GPR89A: variants seen among roughly 807,000 people sequenced by gnomAD.
GPR89A encodes G protein-coupled receptor 89A.
In GPR89A, 16 loss-of-function variants were observed where a neutral mutation model predicts 52.0. The ratio of observed to expected loss-of-function variants is 0.31; its 90% CI spans 0.21 to 0.47. GPR89A has a LOEUF of 0.47. GPR89A is among the 20% of genes least tolerant of loss of function. The pLI is 1.00. For missense variants in GPR89A, 135 were observed against 449.4 expected (o/e 0.30, Z 6.33); for synonymous variants, 55 against 150.9 (o/e 0.36, Z 4.66).
At chr1:145,621,325 AT>A (rs1649124126) in intron 3 of GPR89A, among the ~76,000 whole-genome samples, 1 of 149,670 alleles carries the variant, frequency 6.7e-6, no homozygotes, top group South Asian at 2.1e-4. Context: ...ATTAATTTTT[AT>A]TTTCTTACAG....
intron 7 of GPR89A, among the ~76,000 whole-genome samples, chr1:145,632,565 A>G (rs1649953084): frequency 6.6e-6 from 1 of 152,232 alleles, no homozygotes; most frequent in African/African-American, 2.4e-5. Context: ...AAGTTGTCAC[A>G]AATGAAAGAA....
intron 7 of GPR89A, among the ~76,000 whole-genome samples, chr1:145,635,243 A>G (rs1202040721): frequency 6.6e-6 from 1 of 152,118 alleles, no homozygotes; most frequent in Non-Finnish European, 1.5e-5. Flanking sequence ...CATCTCTACT[A>G]AAGATACAAA....
intron 5 of GPR89A, among the ~76,000 whole-genome samples, chr1:145,625,006 C>G (rs1331241155): frequency 2.6e-5 from 4 of 151,264 alleles, no homozygotes; most frequent in Admixed American, 2.6e-4. Context: ...GAGCCAGTGT[C>G]TATTATAGAA....
chr1:145,613,998 G>A (rs1376718335), intron 1 of GPR89A, among the ~76,000 whole-genome samples: 2 of 152,092 alleles, frequency 1.3e-5, no homozygotes, highest in African/African-American at 4.8e-5. Context: ...CGTTGCCCAA[G>A]CTGGTCTCGA....
chr1:145,655,646 G>GA (rs1651760315), intron 10 of GPR89A, among the ~76,000 whole-genome samples: 1 of 152,336 alleles, frequency 6.6e-6, no homozygotes, highest in African/African-American at 2.4e-5. Flanking sequence ...GGAGGCTGCA[G>GA]AACAGCAAAG....
chr1:145,635,853 G>T (rs1181877346), intron 7 of GPR89A, among the ~76,000 whole-genome samples: 6 of 152,186 alleles, frequency 3.9e-5, no homozygotes, highest in African/African-American at 1.4e-4. Context: ...CAGCTACTTG[G>T]GAGGCTGAGG....
At chr1:145,664,277 A>G (rs1354402471) in intron 11 of GPR89A, among the ~76,000 whole-genome samples, 5 of 152,336 alleles carry the variant, frequency 3.3e-5, no homozygotes, top group Admixed American at 2.6e-4. Context: ...ATGTTTCTTG[A>G]TGCTAGATCA....
At chr1:145,619,263 A>T (rs1265915054) in intron 3 of GPR89A, among the ~76,000 whole-genome samples, 1 of 151,156 alleles carries the variant, frequency 6.6e-6, no homozygotes, top group Non-Finnish European at 1.5e-5. Flanking sequence ...AAAAAGAAAA[A>T]CTTACTATAC....
rs200411888 is a variant in GPR89A, at chr1:145,616,670, T to A, written c.102+377T>A. Among the ~76,000 whole-genome samples, 149 of 152,270 alleles carry A rather than the reference T, an allele frequency of 9.8e-4. 2 individuals are homozygous for A. In the East Asian group the frequency reaches 0.026, roughly 27 times the overall value. On this transcript the variant is annotated intron_variant, in intron 2 of 13. Transcript: ENST00000313835. ...AGTTAATACCAAAATCCCAAGGCTA[T>A]CAGGGGAACCAGTCCCCAATATTTC...
At chr1:145,620,928 C>T (rs1332790192) in intron 3 of GPR89A, among the ~76,000 whole-genome samples, 2 of 152,190 alleles carry the variant, frequency 1.3e-5, no homozygotes, top group African/African-American at 4.8e-5. Context: ...ATTTCAAACC[C>T]ACTGCTTCCC....
intron 1 of GPR89A, among the ~76,000 whole-genome samples, chr1:145,613,904 A>G (rs1448550342): frequency 2.0e-5 from 3 of 151,998 alleles, no homozygotes; most frequent in African/African-American, 7.3e-5. Flanking sequence ...CTTCCACTTC[A>G]GCCTCCCCAT....
intron 9 of GPR89A, 66 bp downstream of exon 9, chr1:145,646,338 G>T (rs1376394591): frequency 7.5e-7 from 1 of 1,341,350 alleles, no homozygotes; most frequent in Non-Finnish European, 1.0e-6. Flanking sequence ...AAGACTAAAT[G>T]GCTTTTTAGA....
chr1:145,625,071 T>C (rs1649398355), intron 5 of GPR89A, among the ~76,000 whole-genome samples: 1 of 149,962 alleles, frequency 6.7e-6, no homozygotes, highest in South Asian at 2.1e-4. Context: ...ATAGCAGGAA[T>C]TTCGGGAGAG....
chr1:145,666,424 A>T (rs1324291138), intron 12 of GPR89A, among the ~76,000 whole-genome samples: 1 of 152,142 alleles, frequency 6.6e-6, no homozygotes, highest in Non-Finnish European at 1.5e-5. Flanking sequence ...CCTCAAAAAA[A>T]TGTTTCGTTC....
rs1348302392 is a variant in GPR89A, at chr1:145,629,794, C to T, written c.416-893C>T. The stretch of plus-strand genomic sequence containing the variant: ...CCAGAGGTTGCACTGACCTCTAAAA[C>T]GAGTGTAGTGGAAATAGAAAGACTA... On this transcript the variant is annotated intron_variant, in intron 5 of 13. Coordinates refer to ENST00000313835, the MANE Select transcript of GPR89A (RefSeq NM_001097612.2). Among the ~76,000 whole-genome samples the T allele has an allele frequency of 5.9e-5, 9 of 151,606 alleles. No homozygotes were observed. In the South Asian group the frequency reaches 1.5e-3, roughly 25 times the overall value.
intron 10 of GPR89A, among the ~76,000 whole-genome samples, chr1:145,653,953 G>A (rs61813317): frequency 0.3 from 45,504 of 150,650 alleles, 8,941 homozygotes; most frequent in Non-Finnish European, 0.43. Flanking sequence ...GGGGCATTTA[G>A]CCCATTTACA....
At chr1:145,627,336 A>G (rs1234792721) in intron 5 of GPR89A, among the ~76,000 whole-genome samples, 4 of 152,158 alleles carry the variant, frequency 2.6e-5, no homozygotes, top group African/African-American at 9.7e-5. Flanking sequence ...AGTTTTTCAA[A>G]TTTAATAGCC....
intron 7 of GPR89A, among the ~76,000 whole-genome samples, chr1:145,642,903 A>G (rs1270558021): frequency 1.3e-5 from 2 of 151,916 alleles, no homozygotes; most frequent in African/African-American, 4.8e-5. Context: ...AGCAGCTACC[A>G]CTGTACTAGT....
intron 11 of GPR89A, among the ~76,000 whole-genome samples, chr1:145,665,164 T>C (rs1261780898): frequency 6.6e-6 from 1 of 152,106 alleles, no homozygotes; most frequent in Non-Finnish European, 1.5e-5. Flanking sequence ...TTTTTTCTGA[T>C]TTATTAGCGT....
Sources: allele counts gnomAD v4.1 joint callset (sites outside exome capture counted in the v4.1 genomes callset), GRCh38; gene constraint gnomAD v4.1.1; transcripts MANE v1.5; gene names NCBI Gene and HGNC (gene_info 2026-07-23, HGNC 2026-07-21).